Variants in EXOC6B observed in about 807,000 individuals in gnomAD.
The protein encoded by EXOC6B is exocyst complex component 6B, also known as SEC15 homolog B.
A neutral mutation model predicts 113.5 loss-of-function variants in EXOC6B; 54 were observed. The observed-to-expected ratio is 0.48, with a 90% CI of 0.38 to 0.60. EXOC6B has a LOEUF of 0.60. EXOC6B is among the 20% of genes least tolerant of loss of function. The pLI is 0.00. For missense variants in EXOC6B, 797 were observed against 977.5 expected, an observed-to-expected ratio of 0.82 and a Z score of 2.46; for synonymous variants, 357 against 339.0, an observed-to-expected ratio of 1.05 and a Z score of -0.58.
At chr2:72,290,358 C>T (rs1429198919) in intron 20 of EXOC6B, among the ~76,000 whole-genome samples, 1 of 152,044 alleles carries the variant, frequency 6.6e-6, no homozygotes, top group Non-Finnish European at 1.5e-5. Flanking sequence ...ACATTTTGTC[C>T]ATAATAGATG....
At chr2:72,672,088 T>C (rs950752520) in intron 6 of EXOC6B, among the ~76,000 whole-genome samples, 1 of 151,782 alleles carries the variant, frequency 6.6e-6, no homozygotes, top group Non-Finnish European at 1.5e-5. Context: ...TCATACATTG[T>C]TGGTGGCAAT....
intron 18 of EXOC6B, among the ~76,000 whole-genome samples, chr2:72,400,363 T>A (rs1473328826): frequency 6.6e-6 from 1 of 151,940 alleles, no homozygotes. Flanking sequence ...CTTCCAGACA[T>A]TGGCCTGGGG....
intron 5 of EXOC6B, among the ~76,000 whole-genome samples, chr2:72,721,415 C>A (rs1166025572): frequency 1.2e-3 from 46 of 37,898 alleles, no homozygotes; most frequent in South Asian, 2.5e-3. Context: ...ACAAAAGAAC[C>A]AAAAAGGGCC....
rs1206520391 is a variant in EXOC6B, at chr2:72,825,218, G to A, written c.113+580C>T. Among the ~76,000 whole-genome samples, 1 of 152,108 alleles carries A rather than the reference G, an allele frequency of 6.6e-6. No homozygotes were observed. Among genetic ancestry groups the A allele is most frequent in the Non-Finnish European group, 1.5e-5 (1 of 68,008 alleles). ...CCCAGCGATGAGGAGGCTGCACCGT[G>A]GGCGAGGGTCGTCCTCGTAACAGGG... On this transcript the variant is annotated intron_variant, in intron 1 of 21. Transcript: ENST00000272427. This position sits in a 1 kb window ranked among gnomAD's most constrained non-coding sequence, Gnocchi z 4.4.
intron 16 of EXOC6B, among the ~76,000 whole-genome samples, chr2:72,485,539 C>T (rs906464297): frequency 2.6e-5 from 4 of 152,096 alleles, no homozygotes; most frequent in African/African-American, 7.2e-5. Flanking sequence ...AGTCAGGGTA[C>T]AAAAAACTGT....
Position 72,401,558 on chromosome 2 carries a change from T to TATATAC in EXOC6B, c.1981-21689_1981-21688insGTATAT, listed in dbSNP as rs1693228679. ...ATATATATATATGTGTATATATATA[T>TATATAC]ATATATACATATATATATATATACA... On this transcript the variant is annotated intron_variant, in intron 18 of 21. Coordinates refer to ENST00000272427, the MANE Select transcript of EXOC6B (RefSeq NM_015189.3). Among the ~76,000 whole-genome samples, 4 of 36,330 alleles carry TATATAC rather than the reference T, an allele frequency of 1.1e-4. 2 individuals are homozygous for TATATAC. Among genetic ancestry groups the TATATAC allele is most frequent in the Non-Finnish European group, 1.7e-4 (4 of 24,202 alleles). The allele number at this position is 36,330 out of a possible 152,430, so 23.8% of individuals were successfully genotyped here.
Position 72,514,601 on chromosome 2 carries a change from A to ATAT in EXOC6B, c.1046+32_1046+33insATA, listed in dbSNP as rs71884143. The ATAT allele has an allele frequency of 6.5e-3, 556 of 85,238 alleles. 4 individuals carry two copies. Among genetic ancestry groups the ATAT allele is most frequent in the East Asian group, 0.022 (51 of 2,346 alleles). The allele number at this position is 85,238 out of a possible 1,614,324, so 5.3% of individuals were successfully genotyped here. ...CAATAAATAAATAAATAAATAAATA[A>ATAT]ATAAATATATATATATATATATATA... On this transcript the variant is annotated intron_variant, in intron 10 of 21. Transcript: ENST00000272427.
intron 20 of EXOC6B, among the ~76,000 whole-genome samples, chr2:72,294,033 G>A (rs942042186): frequency 6.6e-6 from 1 of 150,986 alleles, no homozygotes; most frequent in Non-Finnish European, 1.5e-5. Flanking sequence ...TAAGGAAGAA[G>A]TCCACAATAA....
chr2:72,332,183 G>T (rs890183392), intron 20 of EXOC6B, among the ~76,000 whole-genome samples: 1 of 151,596 alleles, frequency 6.6e-6, no homozygotes, highest in Non-Finnish European at 1.5e-5. Context: ...CCTTAACTTG[G>T]GCTTCCTATT....
At chr2:72,505,089 T>C (rs775385005) in intron 11 of EXOC6B, among the ~76,000 whole-genome samples, 3 of 152,198 alleles carry the variant, frequency 2.0e-5, no homozygotes, top group Non-Finnish European at 4.4e-5. Context: ...AATTTTATTG[T>C]AGTTTGATGT....
At chr2:72,376,278 T>C (rs1691351540) in intron 19 of EXOC6B, among the ~76,000 whole-genome samples, 1 of 152,342 alleles carries the variant, frequency 6.6e-6, no homozygotes, top group East Asian at 1.9e-4. Flanking sequence ...CTTCTGTTTA[T>C]CTGAAAATGT....
intron 20 of EXOC6B, among the ~76,000 whole-genome samples, chr2:72,327,761 G>A (rs1337760900): frequency 6.6e-6 from 1 of 152,042 alleles, no homozygotes; most frequent in Non-Finnish European, 1.5e-5. Flanking sequence ...ATGAAGTCTT[G>A]GCAGTTCTAG....
In EXOC6B at chr2:72,520,049, A is replaced by G. The variant is rs556117272; in HGVS notation, c.916-4923T>C. On this transcript the variant is annotated intron_variant, in intron 8 of 21. Coordinates refer to ENST00000272427, the MANE Select transcript of EXOC6B (RefSeq NM_015189.3). ...CTTAAAATGGAAAATTTTCCCTAAC[A>G]CATAACCCTTTTAATTCTTCAGTTA... Among the ~76,000 whole-genome samples the G allele has an allele frequency of 2.6e-5, 4 of 152,262 alleles. No individual in the cohort carries two copies. The East Asian group carries it at 5.8e-4, about 22-fold the overall frequency.
intron 21 of EXOC6B, among the ~76,000 whole-genome samples, chr2:72,179,993 T>C (rs1006880244): frequency 6.6e-6 from 1 of 152,190 alleles, no homozygotes; most frequent in Non-Finnish European, 1.5e-5. Flanking sequence ...GGCTACTCTA[T>C]CCTATCCCCA....
intron 6 of EXOC6B, among the ~76,000 whole-genome samples, chr2:72,592,614 A>G (rs1256215754): frequency 2.0e-5 from 3 of 152,204 alleles, no homozygotes; most frequent in Non-Finnish European, 4.4e-5. Flanking sequence ...AGTGGTTTCT[A>G]CAAACAATTT....
chr2:72,202,495 G>T (rs943377707), intron 20 of EXOC6B, among the ~76,000 whole-genome samples: 1 of 152,142 alleles, frequency 6.6e-6, no homozygotes, highest in Admixed American at 6.5e-5. Context: ...GGACAGACAG[G>T]TATTCTCCAG....
chr2:72,243,083 A>C (rs141794628), intron 20 of EXOC6B, among the ~76,000 whole-genome samples: 1 of 152,250 alleles, frequency 6.6e-6, no homozygotes, highest in African/African-American at 2.4e-5. Context: ...TCATGCTGCT[A>C]TAAGGACATA....
chr2:72,655,399 T>C (rs753509884), intron 6 of EXOC6B, among the ~76,000 whole-genome samples: 1 of 151,760 alleles, frequency 6.6e-6, no homozygotes, highest in Non-Finnish European at 1.5e-5. Flanking sequence ...ACTTCTACCA[T>C]AAATGCAAGA....
At chr2:72,456,191 C>A (rs1697222575) in intron 18 of EXOC6B, among the ~76,000 whole-genome samples, 1 of 152,096 alleles carries the variant, frequency 6.6e-6, no homozygotes, top group Non-Finnish European at 1.5e-5. Context: ...AATTCTGTCA[C>A]TTGAAAACAA....
Sources: allele counts gnomAD v4.1 joint callset (sites outside exome capture counted in the v4.1 genomes callset), GRCh38; gene constraint gnomAD v4.1.1; non-coding constraint Gnocchi (gnomAD v3.1); transcripts MANE v1.5; gene names NCBI Gene and HGNC (gene_info 2026-07-23, HGNC 2026-07-21).